The following IGFBP7 variants were observed in gnomAD, a reference collection of about 807,000 sequenced individuals.
IGFBP7 encodes the protein insulin like growth factor binding protein 7.
In IGFBP7, 31 loss-of-function variants were observed where a neutral mutation model predicts 29.4. The observed-to-expected ratio is 1.05, with a 90% CI of 0.79 to 1.42. The LOEUF (loss-of-function observed/expected upper bound fraction) is 1.42. Ranked by LOEUF, IGFBP7 falls within the 40% of genes most tolerant of loss-of-function variation. IGFBP7 has a pLI of 0.00. For synonymous variants in IGFBP7, 172 were observed against 174.9 expected (o/e 0.98, Z 0.13); for missense variants, 393 against 395.5 (o/e 0.99, Z 0.05).
At position 57,030,997 on chromosome 4, in the gene IGFBP7, C is replaced by T; in HGVS notation, c.*320G>A. On this transcript the variant is annotated 3_prime_UTR_variant, in exon 5 of 5. Transcript: ENST00000295666. ...GAATGATGAGTGTTTAGCTATTTTACAGGAGTCAACAAGATAATTAAATAT... is the reference window on the plus strand; with the variant it reads ...GAATGATGAGTGTTTAGCTATTTTATAGGAGTCAACAAGATAATTAAATAT... The T allele has an allele frequency of 6.8e-7, 1 of 1,470,976 alleles. No individual in the cohort carries two copies. The highest frequency in any genetic ancestry group is 9.5e-7 in the Non-Finnish European group (1 of 1,049,556). The allele number at this position is 1,470,976 out of a possible 1,614,324, so 91.1% of individuals were successfully genotyped here.
At chr4:57,101,201 G>T (rs902356345) in intron 1 of IGFBP7, among the ~76,000 whole-genome samples, 11 of 152,184 alleles carry the variant, frequency 7.2e-5, no homozygotes, top group African/African-American at 2.7e-4. Flanking sequence ...ACATTCTCCT[G>T]AAGTTTTGAG....
chr4:57,106,083 T>C (rs1393613258), intron 1 of IGFBP7, among the ~76,000 whole-genome samples: 1 of 152,026 alleles, frequency 6.6e-6, no homozygotes, highest in African/African-American at 2.4e-5. Flanking sequence ...ATTTTCTGTA[T>C]TTTTAGTAGA....
intron 1 of IGFBP7, among the ~76,000 whole-genome samples, chr4:57,101,330 G>C (rs766655351): frequency 1.3e-5 from 2 of 152,160 alleles, no homozygotes; most frequent in Admixed American, 6.5e-5. Context: ...GTCAACACAG[G>C]GTTCCTAGGT....
intron 1 of IGFBP7, among the ~76,000 whole-genome samples, chr4:57,063,122 T>C (rs1724837412): frequency 6.6e-6 from 1 of 152,010 alleles, no homozygotes; most frequent in Non-Finnish European, 1.5e-5. Flanking sequence ...TTCTAGAATA[T>C]TCCCCCCATT....
intron 1 of IGFBP7, among the ~76,000 whole-genome samples, chr4:57,088,608 C>T (rs1036333256): frequency 2.6e-5 from 4 of 152,098 alleles, no homozygotes; most frequent in African/African-American, 9.7e-5. Context: ...AAAGCAACGG[C>T]CAGATTGAGA....
chr4:57,063,123 T>G (rs1046814886), intron 1 of IGFBP7, among the ~76,000 whole-genome samples: 3 of 151,936 alleles, frequency 2.0e-5, no homozygotes, highest in Admixed American at 6.6e-5. Flanking sequence ...TCTAGAATAT[T>G]CCCCCCATTT....
chr4:57,105,328 G>A (rs1256662310), intron 1 of IGFBP7, among the ~76,000 whole-genome samples: 1 of 152,184 alleles, frequency 6.6e-6, no homozygotes, highest in African/African-American at 2.4e-5. Context: ...TACTTACCCT[G>A]AGATTAGGAG....
Position 57,084,788 on chromosome 4 carries a change from G to GTTTTTTT in IGFBP7, c.475+25082_475+25088dup, listed in dbSNP as rs57704332. Among the ~76,000 whole-genome samples the GTTTTTTT allele has an allele frequency of 4.0e-4, 45 of 113,090 alleles. 10 individuals are homozygous for GTTTTTTT. Among genetic ancestry groups the GTTTTTTT allele is most frequent in the South Asian group, 8.8e-4 (3 of 3,390 alleles). The allele number at this position is 113,090 out of a possible 152,430, so 74.2% of individuals were successfully genotyped here. On this transcript the variant is annotated intron_variant, in intron 1 of 4. Transcript: ENST00000295666. ...CTTTTTACTCAGATGTTTAAAAAAGGTTTTTTTTTTTTTTTTTTTTGGGAC... is the reference window on the plus strand; with the variant it reads ...CTTTTTACTCAGATGTTTAAAAAAGGTTTTTTTTTTTTTTTTTTTTTTTTTTTGGGAC...
intron 1 of IGFBP7, among the ~76,000 whole-genome samples, chr4:57,081,079 CT>C (rs1419094984): frequency 6.6e-6 from 1 of 152,196 alleles, no homozygotes; most frequent in African/African-American, 2.4e-5. Context: ...GAGCTTCCCC[CT>C]TTTGTCAGCA....
At chr4:57,084,595 C>T (rs778857301) in intron 1 of IGFBP7, among the ~76,000 whole-genome samples, 2 of 152,224 alleles carry the variant, frequency 1.3e-5, no homozygotes, top group Non-Finnish European at 2.9e-5. Flanking sequence ...CCTCTGAACA[C>T]GTGCAGCAAT....
intron 1 of IGFBP7, among the ~76,000 whole-genome samples, chr4:57,064,923 G>T (rs1287554834): frequency 6.6e-6 from 1 of 152,276 alleles, no homozygotes; most frequent in Non-Finnish European, 1.5e-5. Flanking sequence ...AGATTAGGAA[G>T]GTGCTGAGGA....
rs11573100 is a variant in IGFBP7, at chr4:57,055,372, CT to C, written c.476-14440del. On this transcript the variant is annotated intron_variant, in intron 1 of 4. Coordinates refer to ENST00000295666, the MANE Select transcript of IGFBP7 (RefSeq NM_001553.3). ...AAAAAAAACTCCCTAGGTAGAAGTA[CT>C]CAATTAAAACATTGTTTTTGAGTAG... 3.8e-4 allele frequency among the ~76,000 whole-genome samples: 58 copies of C among 152,230 alleles called. No homozygotes were observed. In the East Asian group the frequency reaches 7.5e-3, roughly 20 times the overall value.
intron 1 of IGFBP7, chr4:57,072,974 G>A (rs1421906040): frequency 2.4e-6 from 2 of 843,274 alleles, no homozygotes; most frequent in Non-Finnish European, 4.0e-6. Context: ...CCTGTATGAT[G>A]TCAGGACCAT....
At chr4:57,055,938 G>A (rs1724659646) in intron 1 of IGFBP7, among the ~76,000 whole-genome samples, 1 of 152,114 alleles carries the variant, frequency 6.6e-6, no homozygotes, top group Non-Finnish European at 1.5e-5. Flanking sequence ...AGACTTCCAT[G>A]GAGCAGAGCG....
At position 57,057,152 on chromosome 4, in the gene IGFBP7, C is replaced by T. The variant is rs184291654; in HGVS notation, c.476-16219G>A. Among the ~76,000 whole-genome samples, 8 of 152,246 alleles carry T rather than the reference C, an allele frequency of 5.3e-5. No individual in the cohort carries two copies. The East Asian group carries it at 1.5e-3, about 29-fold the overall frequency. On this transcript the variant is annotated intron_variant, in intron 1 of 4. Coordinates refer to ENST00000295666, the MANE Select transcript of IGFBP7 (RefSeq NM_001553.3). ...TTCCAAGTAGCTGGGACTACAGGCA[C>T]ATACCACCATCCCTGGCTAAGTTTT...
At chr4:57,093,135 G>A (rs1241537412) in intron 1 of IGFBP7, among the ~76,000 whole-genome samples, 2 of 152,176 alleles carry the variant, frequency 1.3e-5, no homozygotes, top group Non-Finnish European at 2.9e-5. Flanking sequence ...AATGAAATTA[G>A]CTTACATTCC....
intron 1 of IGFBP7, among the ~76,000 whole-genome samples, chr4:57,066,628 A>ATCTC (rs1387510873): frequency 6.6e-6 from 1 of 150,622 alleles, no homozygotes; most frequent in Non-Finnish European, 1.5e-5. Context: ...CATTGGTGTG[A>ATCTC]TCTCGGCTTA....
chr4:57,094,765 G>A (rs1725722682), intron 1 of IGFBP7, among the ~76,000 whole-genome samples: 1 of 152,204 alleles, frequency 6.6e-6, no homozygotes, highest in African/African-American at 2.4e-5. Flanking sequence ...GCTTGTTGCT[G>A]AACCCTTGAC....
intron 1 of IGFBP7, among the ~76,000 whole-genome samples, chr4:57,082,715 ACCC>A (rs1725400637): frequency 6.6e-6 from 1 of 152,108 alleles, no homozygotes; most frequent in South Asian, 2.1e-4. Context: ...GATAATCCTA[ACCC>A]CCCAACAACT....
Sources: gnomAD v4.1 joint callset for allele counts (sites outside exome capture counted in the v4.1 genomes callset) on GRCh38, gnomAD v4.1.1 for gene constraint, MANE v1.5 for transcripts, NCBI Gene and HGNC (gene_info 2026-07-23, HGNC 2026-07-21) for gene names.